Variants in DYSF observed in about 807,000 individuals in gnomAD.
DYSF encodes the protein dysferlin.
Under a neutral mutation model 274.9 loss-of-function variants are expected in DYSF, and 212 were observed. The observed-to-expected ratio is 0.77, with a 90% CI of 0.69 to 0.86. The LOEUF is 0.86. DYSF is among the 40% of genes least tolerant of loss of function. DYSF has a pLI of 0.00. For missense variants in DYSF, 2,666 were observed against 2,783.2 expected (o/e 0.96, Z 0.95); for synonymous variants, 1,091 against 1,078.7 (o/e 1.01, Z -0.22).
rs1340666634 is a variant in DYSF, at chr2:71,613,315, A to T, written c.4388-19A>T. On this transcript the variant is annotated intron_variant, in intron 39 of 55. Coordinates refer to ENST00000410020, the MANE Select transcript of DYSF (RefSeq NM_001130987.2). ...TTGAGAGAGCCCCTCTCAGGCCTGG[A>T]TGGCTCCCTCCCCTGCAGACGATGT... The T allele has an allele frequency of 6.2e-7, 1 of 1,607,246 alleles. No homozygotes were observed. Among genetic ancestry groups the T allele is most frequent in the Non-Finnish European group, 8.5e-7 (1 of 1,176,720 alleles).
At chr2:71,469,645 A>C (rs2081826716) in intron 1 of DYSF, among the ~76,000 whole-genome samples, 1 of 152,118 alleles carries the variant, frequency 6.6e-6, no homozygotes, top group African/African-American at 2.4e-5. Context: ...AAAATAGACT[A>C]TGAGCTCTGG....
Position 71,517,023 on chromosome 2 carries a change from T to G in DYSF, c.986T>G (p.Leu329Arg). Residue 329 changes from leucine (L) to arginine (R), a missense_variant, in exon 10 of 56, where the codon CTC becomes CGC. Around this residue, in one of 3 missense-constraint regions of DYSF, gnomAD observed 794 missense variants for 777.1 expected, o/e 1.02. Coordinates refer to ENST00000410020, the MANE Select transcript of DYSF (RefSeq NM_001130987.2). ...VDSRSLRTDA[L>R]LGEFRMDVGT... ...TCTCGTTCTCTCAGGACAGATGCTC[T>G]CCTCGGGGAGTTCCGGGTAATTGCT... 2 of 1,614,194 alleles carry G rather than the reference T, an allele frequency of 1.2e-6. No homozygotes were observed. The highest frequency in any genetic ancestry group is 1.7e-6 in the Non-Finnish European group (2 of 1,180,024).
At position 71,686,699 on chromosome 2, in the gene DYSF, C is replaced by T. The variant is rs1287957477; in HGVS notation, c.*207C>T. 1.6e-6 allele frequency: 1 copy of T among 635,490 alleles called. No homozygotes were observed. The highest frequency in any genetic ancestry group is 1.8e-5 in the South Asian group (1 of 55,202). The allele number at this position is 635,490 out of a possible 1,614,324, so 39.4% of individuals were successfully genotyped here. ...CACCCCACTTCCATCATTTCCTTCT[C>T]CCCCAACCCAACGCTTTTTTGGATC... On this transcript the variant is annotated 3_prime_UTR_variant, in exon 56 of 56. Transcript: ENST00000410020.
chr2:71,558,752 G>C (rs998622618), intron 22 of DYSF, among the ~76,000 whole-genome samples: 1 of 152,176 alleles, frequency 6.6e-6, no homozygotes, highest in African/African-American at 2.4e-5. Flanking sequence ...CAGGGAGGCT[G>C]GTTCCAGCTC....
intron 3 of DYSF, among the ~76,000 whole-genome samples, chr2:71,497,266 G>A (rs11689987): frequency 0.086 from 12,966 of 151,480 alleles, 609 homozygotes; most frequent in East Asian, 0.14. Flanking sequence ...AAAATTCAGA[G>A]GCTAGAGTTT....
chr2:71,618,352 T>G (rs1292453421), intron 40 of DYSF, among the ~76,000 whole-genome samples: 8 of 4,386 alleles, frequency 1.8e-3, no homozygotes, highest in Non-Finnish European at 3.0e-3. Context: ...GGTAGAGGGG[T>G]GTGTGTGTGG....
chr2:71,663,227 GA>G (rs1171634138), intron 45 of DYSF, among the ~76,000 whole-genome samples: 4 of 152,190 alleles, frequency 2.6e-5, no homozygotes, highest in Non-Finnish European at 5.9e-5. Context: ...CACGGATGTT[GA>G]AAGCCGACTT....
chr2:71,571,861 A>ACC (rs1243902003), intron 29 of DYSF, among the ~76,000 whole-genome samples: 3 of 136,274 alleles, frequency 2.2e-5, no homozygotes, highest in African/African-American at 5.6e-5. Context: ...CACCCACCAC[A>ACC]CACAGATCAC....
At position 71,466,902 on chromosome 2, in the gene DYSF, C is replaced by T; in HGVS notation, c.60C>T (p.Arg20=). The T allele has an allele frequency of 6.5e-7, 1 of 1,550,076 alleles. No individual in the cohort carries two copies. Among genetic ancestry groups the T allele is most frequent in the Non-Finnish European group, 8.7e-7 (1 of 1,145,898 alleles). ...TCCCCAGTGCGAAGAAGGACCGGCGCAGCGACCCTGTCGCAAGCCTGACTT... is the reference window on the plus strand; with the variant it reads ...TCCCCAGTGCGAAGAAGGACCGGCGTAGCGACCCTGTCGCAAGCCTGACTT... ...SNLPSAKKDR[R]SDPVASLTFR... is the part of the protein sequence containing the mutation. Residue 20 remains arginine (R), a synonymous_variant, in exon 1 of 56, where the codon CGC becomes CGT. Coordinates refer to ENST00000410020, the MANE Select transcript of DYSF (RefSeq NM_001130987.2).
Position 71,574,994 on chromosome 2 carries a change from C to G in DYSF, c.3402+623C>G, listed in dbSNP as rs183757900. On this transcript the variant is annotated intron_variant, in intron 30 of 55. Coordinates refer to ENST00000410020, the MANE Select transcript of DYSF (RefSeq NM_001130987.2). The stretch of plus-strand genomic sequence containing the variant: ...CACTCGGTACTGGCACACAGCCAGT[C>G]CCCACTCTGCTGCTCTGGGGAAGGA... Among the ~76,000 whole-genome samples the G allele has an allele frequency of 1.9e-3, 295 of 152,324 alleles. 1 individual carries two copies. The highest frequency in any genetic ancestry group is 6.7e-3 in the African/African-American group (280 of 41,572).
At chr2:71,667,784 C>T (rs1448515071) in intron 48 of DYSF, among the ~76,000 whole-genome samples, 1 of 152,188 alleles carries the variant, frequency 6.6e-6, no homozygotes. Flanking sequence ...CCTCCGACCT[C>T]TCCTTGTCAT....
chr2:71,569,329 A>G (rs1559180446), intron 26 of DYSF, among the ~76,000 whole-genome samples: 2 of 152,126 alleles, frequency 1.3e-5, no homozygotes, highest in Non-Finnish European at 2.9e-5. Flanking sequence ...TTTCTCTGTC[A>G]GTCCCTCTCA....
At chr2:71,645,791 A>ACAC (rs2094558965) in intron 42 of DYSF, among the ~76,000 whole-genome samples, 1 of 152,068 alleles carries the variant, frequency 6.6e-6, no homozygotes, top group South Asian at 2.1e-4. Context: ...AAATCTGGCA[A>ACAC]CACTACTTCT....
At chr2:71,599,063 C>T (rs964420864) in intron 33 of DYSF, among the ~76,000 whole-genome samples, 6 of 152,210 alleles carry the variant, frequency 3.9e-5, no homozygotes, top group Admixed American at 6.5e-5. Context: ...CGAGGAGCTG[C>T]GTGGAATCCT....
intron 38 of DYSF, 42 bp downstream of exon 38, chr2:71,611,668 G>C (rs751079705): frequency 7.5e-6 from 12 of 1,603,494 alleles, no homozygotes; most frequent in Non-Finnish European, 9.3e-6. Flanking sequence ...GAGTCCTGGG[G>C]CTAGAAGTTC....
intron 41 of DYSF, among the ~76,000 whole-genome samples, chr2:71,624,268 T>C (rs866017828): frequency 2.0e-5 from 3 of 152,238 alleles, no homozygotes; most frequent in Admixed American, 6.5e-5. Context: ...GTTCTGGACC[T>C]CAGGCAGATT....
intron 32 of DYSF, among the ~76,000 whole-genome samples, chr2:71,595,144 T>C (rs541211233): frequency 3.3e-5 from 5 of 152,210 alleles, no homozygotes; most frequent in Non-Finnish European, 5.9e-5. Context: ...TAGTGCCCAA[T>C]TGCTTTTCTG....
intron 32 of DYSF, among the ~76,000 whole-genome samples, chr2:71,592,848 C>T (rs1056642424): frequency 2.0e-5 from 3 of 152,228 alleles, no homozygotes; most frequent in Admixed American, 2.0e-4. Flanking sequence ...GCTGCTCCTT[C>T]TCCCTGGTCG....
intron 52 of DYSF, among the ~76,000 whole-genome samples, chr2:71,678,347 A>T (rs1319960568): frequency 6.6e-6 from 1 of 152,236 alleles, no homozygotes; most frequent in Non-Finnish European, 1.5e-5. Flanking sequence ...AACCATAAAA[A>T]AAATACAGAT....
Sources: allele counts gnomAD v4.1 joint callset (sites outside exome capture counted in the v4.1 genomes callset), GRCh38; gene constraint gnomAD v4.1.1; regional missense constraint gnomAD v4.1.1; transcripts MANE v1.5; gene names NCBI Gene and HGNC (gene_info 2026-07-23, HGNC 2026-07-21).